Variants in ZNF671 observed in about 807,000 individuals in gnomAD.
ZNF671 encodes the protein hypothetical protein FLJ23506.
A neutral mutation model predicts 16.6 loss-of-function variants in ZNF671; 19 were observed. The observed-to-expected ratio is 1.14, with a 90% CI of 0.80 to 1.68. The LOEUF (loss-of-function observed/expected upper bound fraction) is 1.68. ZNF671 is among the 40% of genes most tolerant of loss of function. The pLI, the probability that ZNF671 is intolerant of heterozygous loss-of-function variation, is 0.00. For missense variants in ZNF671, 637 were observed against 659.8 expected, an observed-to-expected ratio of 0.97 and a Z score of 0.38; for synonymous variants, 238 against 236.3, an observed-to-expected ratio of 1.01 and a Z score of -0.06.
At chr19:57,724,301 T>C (rs1433104013) in intron 1 of ZNF671, among the ~76,000 whole-genome samples, 1 of 152,154 alleles carries the variant, frequency 6.6e-6, no homozygotes, top group Non-Finnish European at 1.5e-5. Flanking sequence ...CATGTTGAAA[T>C]GCAACCCCTA....
At position 57,727,521 on chromosome 19, in the gene ZNF671, GACA is replaced by G. The variant is rs1226827838; in HGVS notation, c.5_7del (p.Leu2del). On this transcript the variant is annotated inframe_deletion, in exon 1 of 4. Coordinates refer to ENST00000317398, the MANE Select transcript of ZNF671 (RefSeq NM_024833.3). ...ATCAGACGCGTCTCGGGACACTGGG[GACA>G]ACATCTCCTCCGCGCTTTCCCAACA... 35 of 1,601,902 alleles carry G rather than the reference GACA, an allele frequency of 2.2e-5. No individual in the cohort carries two copies. The highest frequency in any genetic ancestry group is 2.9e-5 in the Non-Finnish European group (34 of 1,170,858).
Position 57,720,708 on chromosome 19 carries a change from A to G in ZNF671, c.1378T>C (p.Phe460Leu). Residue 460 changes from phenylalanine to leucine, a missense_variant, in exon 4 of 4, where the codon TTC becomes CTC. Transcript: ENST00000317398. ...TGAATGAGTTTGGAGATGCAGCTGAAAGCTTTACCACATCTGCTACACTCA... is the reference window on the plus strand; with the variant it reads ...TGAATGAGTTTGGAGATGCAGCTGAGAGCTTTACCACATCTGCTACACTCA... Reference protein sequence around the residue: ...DYECSRCGKAFSCISKLIQHQ... With the variant: ...DYECSRCGKALSCISKLIQHQ... 2 of 1,614,168 alleles carry G rather than the reference A, an allele frequency of 1.2e-6. No homozygotes were observed. The highest frequency in any genetic ancestry group is 1.7e-6 in the Non-Finnish European group (2 of 1,180,024).
In ZNF671 at chr19:57,721,361, G is replaced by A. The variant is rs1985864846; in HGVS notation, c.725C>T (p.Thr242Ile). The A allele has an allele frequency of 1.2e-6, 2 of 1,613,368 alleles. No homozygotes were observed. Among genetic ancestry groups the A allele is most frequent in the South Asian group, 1.1e-5 (1 of 91,054 alleles). Reference sequence around the variant, plus strand: ...AAAGTCTCTCCTACCTTTCCCACATGTGAGGGTCTTCTCTGGCACATGGAC... The same window carrying A: ...AAAGTCTCTCCTACCTTTCCCACATATGAGGGTCTTCTCTGGCACATGGAC... ...CRVHVPEKTLTCGKGRRDFSA... is the reference protein window; with the variant it reads ...CRVHVPEKTLICGKGRRDFSA... Residue 242 changes from threonine to isoleucine, a missense_variant, in exon 4 of 4, where the codon ACA becomes ATA. By Grantham distance (89) the Thr-to-Ile change is moderately conservative. Coordinates refer to ENST00000317398, the MANE Select transcript of ZNF671 (RefSeq NM_024833.3).
intron 1 of ZNF671, among the ~76,000 whole-genome samples, chr19:57,723,681 C>G (rs1985950554): frequency 1.3e-5 from 2 of 151,688 alleles, no homozygotes; most frequent in Non-Finnish European, 2.9e-5. Context: ...TCCTCTCATA[C>G]ACATCACTCT....
chr19:57,725,188 G>A (rs1334647410), intron 1 of ZNF671, among the ~76,000 whole-genome samples: 2 of 151,722 alleles, frequency 1.3e-5, no homozygotes, highest in African/African-American at 4.8e-5. Flanking sequence ...TCTCAGCCAA[G>A]CATGATGACT....
chr19:57,722,320 T>C lies in ZNF671; in HGVS notation c.384A>G (p.Arg128=). 6.2e-7 allele frequency: 1 copy of C among 1,614,038 alleles called. No individual in the cohort carries two copies. Among genetic ancestry groups the C allele is most frequent in the Non-Finnish European group, 8.5e-7 (1 of 1,179,980 alleles). Residue 128 remains arginine, a synonymous_variant, in exon 3 of 4, where the codon AGA becomes AGG. Transcript: ENST00000317398. ...CCTTCCCCGATGTCCACTCACCAGG[T>C]CTAAGTCCCCTCTGGGCCTCTCTTT... The part of the protein sequence containing the change: ...ATEREAQRGL[R]PGCWHGVEDE...
In ZNF671 at chr19:57,720,464, C is replaced by A; in HGVS notation, c.*17G>T. On this transcript the variant is annotated 3_prime_UTR_variant, in exon 4 of 4. Coordinates refer to ENST00000317398, the MANE Select transcript of ZNF671 (RefSeq NM_024833.3). ...AGGGGCATTGGCCTAAGACTTTCCC[C>A]CACATTTGCTACACTCTTAAAGCTT... 6.2e-7 allele frequency: 1 copy of A among 1,604,196 alleles called. No individual in the cohort carries two copies. Among genetic ancestry groups the A allele is most frequent in the Non-Finnish European group, 8.5e-7 (1 of 1,172,636 alleles).
At position 57,720,793 on chromosome 19, in the gene ZNF671, C is replaced by T. The variant is rs1382059372; in HGVS notation, c.1293G>A (p.Gly431=). ...GERPYECSEC[G]KAFSQSSHLN... ...GGTGGGAGCTTTGGCTAAAGGCCTT[C>T]CCACATTCACTGCACTCATAAGGCC... The change falls in exon 4 of 4, where the codon GGG becomes GGA. Residue 431 remains glycine, a synonymous_variant. Transcript: ENST00000317398. The T allele has an allele frequency of 1.2e-6, 2 of 1,614,118 alleles. No homozygotes were observed. The highest frequency in any genetic ancestry group is 2.7e-5 in the African/African-American group (2 of 74,924).
At chr19:57,726,367 G>A (rs931126041) in intron 1 of ZNF671, among the ~76,000 whole-genome samples, 4 of 151,610 alleles carry the variant, frequency 2.6e-5, no homozygotes, top group Non-Finnish European at 4.4e-5. Flanking sequence ...CAAAATGAGG[G>A]TGAGATAATC....
At position 57,721,387 on chromosome 19, in the gene ZNF671, T is replaced by G. The variant is rs1985866260; in HGVS notation, c.699A>C (p.Arg233Ser). The G allele has an allele frequency of 6.2e-7, 1 of 1,614,124 alleles. No individual in the cohort carries two copies. The highest frequency in any genetic ancestry group is 1.3e-5 in the African/African-American group (1 of 74,946). ...KEGRDSVKSCRVHVPEKTLTC... is the reference protein window; with the variant it reads ...KEGRDSVKSCSVHVPEKTLTC... ...TGAGGGTCTTCTCTGGCACATGGAC[T>G]CTGCAGCTTTTCACAGAGTCTCTGC... The change falls in exon 4 of 4, where the codon AGA becomes AGC. Residue 233 changes from arginine (R) to serine (S), a missense_variant. Coordinates refer to ENST00000317398, the MANE Select transcript of ZNF671 (RefSeq NM_024833.3).
Position 57,720,283 on chromosome 19 carries a change from G to A in ZNF671, c.*198C>T. On this transcript the variant is annotated 3_prime_UTR_variant, in exon 4 of 4. Transcript: ENST00000317398. ...CCAGAGTTCCACTCTAGGGTGAGCT[G>A]TTGGGCTGAACAGAGACAGCACATT... 4 of 747,254 alleles carry A rather than the reference G, an allele frequency of 5.4e-6. No individual in the cohort carries two copies. Among genetic ancestry groups the A allele is most frequent in the Non-Finnish European group, 8.7e-6 (4 of 458,174 alleles). 46.3% of individuals were successfully genotyped at this position (747,254 alleles called of 1,614,324 possible). A position where few individuals can be genotyped will look rare whatever the true frequency, so the allele number is the denominator to read the frequency against.
chr19:57,725,795 A>T (rs1986024156), intron 1 of ZNF671, among the ~76,000 whole-genome samples: 1 of 150,940 alleles, frequency 6.6e-6, no homozygotes, highest in Non-Finnish European at 1.5e-5. Context: ...TTAGCTGGGC[A>T]TGGTGATGCA....
At chr19:57,726,910 G>C (rs1986065812) in intron 1 of ZNF671, 2 of 155,390 alleles carry the variant, frequency 1.3e-5, no homozygotes, top group Admixed American at 1.3e-4. Context: ...CCACTCACCT[G>C]CCATTACTCT....
rs767516261 is a variant in ZNF671, at chr19:57,721,553, T to C, written c.533A>G (p.His178Arg). The change falls in exon 4 of 4, where the codon CAC (histidine) becomes CGC (arginine). Residue 178 changes from histidine to arginine, a missense_variant. His to Arg is a conservative substitution (Grantham distance 29). Coordinates refer to ENST00000317398, the MANE Select transcript of ZNF671 (RefSeq NM_024833.3). Reference protein sequence around the residue: ...ICGPILKDTLHLAKYHGGKAR... With the variant: ...ICGPILKDTLRLAKYHGGKAR... Reference sequence around the variant, plus strand: ...TTTTCCCCCATGGTATTTAGCCAGGTGTAAGGTATCTTTCAATATTGGGCC... The same window carrying C: ...TTTTCCCCCATGGTATTTAGCCAGGCGTAAGGTATCTTTCAATATTGGGCC... 2 of 1,614,208 alleles carry C rather than the reference T, an allele frequency of 1.2e-6. No homozygotes were observed. Among genetic ancestry groups the C allele is most frequent in the South Asian group, 2.2e-5 (2 of 91,082 alleles).
chr19:57,724,042 C>CAA (rs59972380), intron 1 of ZNF671, among the ~76,000 whole-genome samples: 4 of 124,824 alleles, frequency 3.2e-5, no homozygotes, highest in Admixed American at 1.6e-4. Flanking sequence ...GACTCCATCT[C>CAA]AAAAAAAAAA....
Position 57,721,036 on chromosome 19 carries a change from A to G in ZNF671, c.1050T>C (p.Phe350=). 6.2e-7 allele frequency: 1 copy of G among 1,614,052 alleles called. No homozygotes were observed. The change falls in exon 4 of 4, where the codon TTT becomes TTC. Residue 350 remains phenylalanine, a synonymous_variant. Transcript: ENST00000317398. ...GCTCAATCAGGCCGGAGATTTGTCT[A>G]AAGAATTTCCCACATTCGCTGCACT... ...PYECSECGKF[F]RQISGLIEHR...
chr19:57,727,520 G>A lies in ZNF671; in HGVS notation c.9C>T (p.Ser3=). 6.2e-7 allele frequency: 1 copy of A among 1,601,984 alleles called. No individual in the cohort carries two copies. Among genetic ancestry groups the A allele is most frequent in the African/African-American group, 1.3e-5 (1 of 74,740 alleles). Residue 3 remains serine, a synonymous_variant, in exon 1 of 4, where the codon TCC becomes TCT. Coordinates refer to ENST00000317398, the MANE Select transcript of ZNF671 (RefSeq NM_024833.3). The part of the protein sequence containing the change: ML[S]PVSRDASDAL... ...CATCAGACGCGTCTCGGGACACTGG[G>A]GACAACATCTCCTCCGCGCTTTCCC...
chr19:57,721,308 G>C lies in ZNF671; in HGVS notation c.778C>G (p.Gln260Glu), dbSNP rs1308823358. 6.3e-7 allele frequency: 1 copy of C among 1,599,720 alleles called. No individual in the cohort carries two copies. ...GGCTTCATGCTGCTGAGAGAGGCCT[G>C]ATGCTGAAGAAGGCCAGATGTGGCT... ...FSATSGLLQH[Q>E]ASLSSMKPHK... The change falls in exon 4 of 4, where the codon CAG becomes GAG. Residue 260 changes from glutamine (Q) to glutamate (E), a missense_variant. By Grantham distance (29) the Gln-to-Glu change is conservative. Coordinates refer to ENST00000317398, the MANE Select transcript of ZNF671 (RefSeq NM_024833.3).
At chr19:57,727,288 G>A in intron 1 of ZNF671, 103 bp downstream of exon 1, 4 of 1,424,670 alleles carry the variant, frequency 2.8e-6, no homozygotes, top group Non-Finnish European at 2.8e-6. Context: ...ATAGGACCCC[G>A]CCCCAAGAGT....
Sources: allele counts gnomAD v4.1 joint callset (sites outside exome capture counted in the v4.1 genomes callset), GRCh38; gene constraint gnomAD v4.1.1; transcripts MANE v1.5; gene names NCBI Gene and HGNC (gene_info 2026-07-23, HGNC 2026-07-21).